Variants in IL31RA observed in about 807,000 individuals in gnomAD.
The protein encoded by IL31RA is interleukin-31 receptor subunit alpha.
A neutral mutation model predicts 83.7 loss-of-function variants in IL31RA; 66 were observed. The ratio of observed to expected loss-of-function variants is 0.79; its 90% CI spans 0.65 to 0.97. IL31RA has a LOEUF of 0.97. Among genes scored for constraint, IL31RA ranks in the 50% least tolerant of loss-of-function variants. The probability of loss-of-function intolerance (pLI) is 0.00; values close to 1 mark genes in which losing one functional copy is unlikely to be tolerated. For synonymous variants in IL31RA, 325 were observed against 329.0 expected (o/e 0.99, Z 0.13); for missense variants, 798 against 919.4 (o/e 0.87, Z 1.71).
rs1460699722 is a variant in IL31RA at position 55,918,515 on chromosome 5, G to T, written c.*1395G>T. 6.6e-6 allele frequency among the ~76,000 whole-genome samples: 1 copy of T among 152,144 alleles called. No homozygotes were observed. The highest frequency in any genetic ancestry group is 1.5e-5 in the Non-Finnish European group (1 of 68,028). On this transcript the variant is annotated 3_prime_UTR_variant, in exon 15 of 15. Coordinates refer to ENST00000652347, the MANE Select transcript of IL31RA (RefSeq NM_139017.7). ...GTGACTCAGTCACATTTGGGGTTTT[G>T]CCCTCCCCTGTCCTGCCTGGGACTG...
rs1750104048 is a variant in IL31RA at position 55,921,902 on chromosome 5, A to G, written c.*4782A>G. Among the ~76,000 whole-genome samples, 1 of 152,178 alleles carries G rather than the reference A, an allele frequency of 6.6e-6. No individual in the cohort carries two copies. Among genetic ancestry groups the G allele is most frequent in the Non-Finnish European group, 1.5e-5 (1 of 68,028 alleles). On this transcript the variant is annotated 3_prime_UTR_variant, in exon 15 of 15. Coordinates refer to ENST00000652347, the MANE Select transcript of IL31RA (RefSeq NM_139017.7). ...GGTGGACTTTGCCATTTGGTTGACT[A>G]TTTAAAATACTTGTTTTTGTAGGGC...
chr5:55,913,382 G>T lies in IL31RA; in HGVS notation c.1643-95G>T, dbSNP rs1749612898. The T allele has an allele frequency of 3.7e-6, 3 of 811,322 alleles. No individual in the cohort carries two copies. In the South Asian group the frequency reaches 4.2e-5, roughly 11 times the overall value. 50.3% of individuals were successfully genotyped at this position (811,322 alleles called of 1,614,324 possible). On this transcript the variant is annotated intron_variant, in intron 12 of 14. Transcript: ENST00000652347. The stretch of plus-strand genomic sequence containing the variant: ...ACTGAAAGAAAACTAATAAGACATT[G>T]TGTTGCTGAAGCTACTAGAAGAAAA...
rs189895554 is a variant in IL31RA at position 55,896,313 on chromosome 5, A to G, written c.773-37A>G. 2.3e-4 allele frequency: 326 copies of G among 1,425,728 alleles called. No homozygotes were observed. The African/African-American group carries it at 4.0e-3, about 17-fold the overall frequency. The allele number at this position is 1,425,728 out of a possible 1,614,324, so 88.3% of individuals were successfully genotyped here. On this transcript the variant is annotated intron_variant, in intron 6 of 14. Coordinates refer to ENST00000652347, the MANE Select transcript of IL31RA (RefSeq NM_139017.7). ...TTCCTGTCTCCTCTGCAACTCCCTT[A>G]TCTCTGGGTTGAGTACCTCATTCTT...
chr5:55,842,609 TG>T, the IL31RA span, among the ~76,000 whole-genome samples: 24 of 152,350 alleles, frequency 1.6e-4, no homozygotes, highest in Middle Eastern at 3.4e-3. Context: ...ATTAATGACT[TG>T]CCTTTCCCAT....
At chr5:55,845,549 G>T in the IL31RA span, among the ~76,000 whole-genome samples, 1 of 152,158 alleles carries the variant, frequency 6.6e-6, no homozygotes, top group African/African-American at 2.4e-5. Context: ...GAACATGGGG[G>T]CTATTTCCCC....
intron 7 of IL31RA, among the ~76,000 whole-genome samples, chr5:55,897,988 C>CGAG (rs1412406300): frequency 6.6e-6 from 1 of 152,170 alleles, no homozygotes; most frequent in African/African-American, 2.4e-5. Context: ...CACCATCGCC[C>CGAG]ACTCCCTCCA....
upstream of IL31RA, among the ~76,000 whole-genome samples, chr5:55,848,561 C>T (rs1052208933): frequency 6.6e-6 from 1 of 152,252 alleles, no homozygotes; most frequent in South Asian, 2.1e-4. Context: ...CTCCAAAAAG[C>T]TCTGGGTTTT....
chr5:55,849,329 G>T (rs1317573809), upstream of IL31RA, among the ~76,000 whole-genome samples: 2 of 151,072 alleles, frequency 1.3e-5, no homozygotes, highest in Non-Finnish European at 2.9e-5. Context: ...AACTATGGAA[G>T]ATAAAGACTG....
chr5:55,854,623 T>C (rs1445035354), intron 1 of IL31RA, among the ~76,000 whole-genome samples: 2 of 151,718 alleles, frequency 1.3e-5, no homozygotes, highest in African/African-American at 4.8e-5. Context: ...CAGGCACCTG[T>C]AGTCCCAGCT....
chr5:55,907,265 T>G, intron 9 of IL31RA, 94 bp from the exon 10 acceptor site: 1 of 755,822 alleles, frequency 1.3e-6, no homozygotes, highest in Non-Finnish European at 2.3e-6. Context: ...AAATGGAATA[T>G]CTTCTATAAG....
intron 8 of IL31RA, among the ~76,000 whole-genome samples, chr5:55,904,835 C>CTT (rs10651049): frequency 0.3 from 39,187 of 132,732 alleles, 6,017 homozygotes; most frequent in South Asian, 0.36. Context: ...TTTTGGGTTT[C>CTT]TTTTTTTTTT....
intron 6 of IL31RA, among the ~76,000 whole-genome samples, chr5:55,894,398 T>G (rs781123192): frequency 1.3e-5 from 2 of 152,202 alleles, no homozygotes; most frequent in African/African-American, 2.4e-5. Context: ...TGTCTTATGA[T>G]TCAATAAAAG....
At chr5:55,861,855 C>T (rs950674330) in intron 2 of IL31RA, among the ~76,000 whole-genome samples, 2 of 152,224 alleles carry the variant, frequency 1.3e-5, no homozygotes, top group East Asian at 3.9e-4. Context: ...GAATATCCTT[C>T]CCTTGGTCCT....
chr5:55,853,543 G>C (rs1260748965), intron 1 of IL31RA: 1 of 1,551,068 alleles, frequency 6.4e-7, no homozygotes, highest in East Asian at 2.4e-5. Flanking sequence ...CAGAACATCT[G>C]TGGAACATCC....
rs1045983760 is a variant in IL31RA, at chr5:55,913,400, G to T, written c.1643-77G>T. On this transcript the variant is annotated intron_variant, in intron 12 of 14. Coordinates refer to ENST00000652347, the MANE Select transcript of IL31RA (RefSeq NM_139017.7). Reference sequence around the variant, plus strand: ...AGACATTGTGTTGCTGAAGCTACTAGAAGAAAAAGTTAATCATTGATTTTT... The same window carrying T: ...AGACATTGTGTTGCTGAAGCTACTATAAGAAAAAGTTAATCATTGATTTTT... 6.6e-6 allele frequency: 6 copies of T among 912,084 alleles called. No homozygotes were observed. In the African/African-American group the frequency reaches 8.1e-5, roughly 12 times the overall value. The allele number at this position is 912,084 out of a possible 1,614,324, so 56.5% of individuals were successfully genotyped here.
At chr5:55,845,151 T>C in the IL31RA span, among the ~76,000 whole-genome samples, 36 of 152,346 alleles carry the variant, frequency 2.4e-4, no homozygotes, top group African/African-American at 8.4e-4. Context: ...GTTTTTTGCC[T>C]TTTAGTATGC....
At chr5:55,905,288 C>A (rs538636805) in intron 8 of IL31RA, among the ~76,000 whole-genome samples, 1 of 151,886 alleles carries the variant, frequency 6.6e-6, no homozygotes, top group Non-Finnish European at 1.5e-5. Flanking sequence ...AGGAGTGCAA[C>A]GCTGGTGAGG....
intron 4 of IL31RA, among the ~76,000 whole-genome samples, chr5:55,875,999 TTTA>T (rs1460617414): frequency 6.6e-6 from 1 of 152,190 alleles, no homozygotes; most frequent in Non-Finnish European, 1.5e-5. Flanking sequence ...GCATAATAAT[TTTA>T]TAATAATTAG....
upstream of IL31RA, chr5:55,851,344 T>G: frequency 4.6e-6 from 3 of 646,276 alleles, no homozygotes; most frequent in Non-Finnish European, 5.3e-6. Context: ...CACACATATT[T>G]TCTCCATGAG....
Sources: allele counts gnomAD v4.1 joint callset (sites outside exome capture counted in the v4.1 genomes callset), GRCh38; gene constraint gnomAD v4.1.1; transcripts MANE v1.5; gene names NCBI Gene and HGNC (gene_info 2026-07-23, HGNC 2026-07-21).